Variants in EXOC6B observed in about 807,000 individuals in gnomAD.
EXOC6B encodes SEC15 homolog B.
Under a neutral mutation model 113.5 loss-of-function variants are expected in EXOC6B, and 54 were observed. The observed-to-expected ratio is 0.48, with a 90% CI of 0.38 to 0.60. The LOEUF is 0.60. Among genes scored for constraint, EXOC6B ranks in the 20% least tolerant of loss-of-function variants. The pLI, the probability that EXOC6B is intolerant of heterozygous loss-of-function variation, is 0.00. For missense variants in EXOC6B, 797 were observed against 977.5 expected (o/e 0.82, Z 2.46); for synonymous variants, 357 against 339.0 (o/e 1.05, Z -0.58).
chr2:72,369,806 C>T (rs555489988), intron 19 of EXOC6B, among the ~76,000 whole-genome samples: 14 of 152,170 alleles, frequency 9.2e-5, no homozygotes, highest in Non-Finnish European at 1.9e-4. Flanking sequence ...ACTGGCTAGC[C>T]GTATGTAGAA....
chr2:72,546,222 G>T (rs944997648), intron 8 of EXOC6B, among the ~76,000 whole-genome samples: 2 of 152,160 alleles, frequency 1.3e-5, no homozygotes, highest in African/African-American at 4.8e-5. Flanking sequence ...GCCGAGGTGG[G>T]CGGATCACCT....
intron 20 of EXOC6B, among the ~76,000 whole-genome samples, chr2:72,257,051 C>A (rs1443673814): frequency 6.6e-6 from 1 of 152,032 alleles, no homozygotes; most frequent in Non-Finnish European, 1.5e-5. Context: ...TCCCTCATGC[C>A]CCATCTCATC....
chr2:72,523,627 A>G (rs1558760739), intron 8 of EXOC6B, among the ~76,000 whole-genome samples: 1 of 151,966 alleles, frequency 6.6e-6, no homozygotes, highest in African/African-American at 2.4e-5. Context: ...AAATACAAAA[A>G]GAAATCAGCC....
chr2:72,421,161 CA>C (rs1257546073), intron 18 of EXOC6B, among the ~76,000 whole-genome samples: 4 of 152,144 alleles, frequency 2.6e-5, no homozygotes, highest in Non-Finnish European at 1.5e-5. Flanking sequence ...GGATAGATTG[CA>C]AAAACTTTCT....
chr2:72,476,328 A>C (rs1221305255), intron 17 of EXOC6B, among the ~76,000 whole-genome samples: 2 of 152,042 alleles, frequency 1.3e-5, no homozygotes, highest in African/African-American at 2.4e-5. Context: ...TTAGGCATTT[A>C]CTGTCACTTT....
intron 20 of EXOC6B, among the ~76,000 whole-genome samples, chr2:72,302,646 G>A (rs536585869): frequency 1.3e-5 from 2 of 152,076 alleles, no homozygotes; most frequent in East Asian, 3.9e-4. Context: ...TTAGGATTGC[G>A]GTGCCTGTTT....
intron 20 of EXOC6B, among the ~76,000 whole-genome samples, chr2:72,328,803 T>C (rs1041550360): frequency 6.6e-6 from 1 of 152,124 alleles, no homozygotes; most frequent in African/African-American, 2.4e-5. Context: ...TCCTCATATA[T>C]ACATGCTACT....
chr2:72,494,803 T>A (rs566390989), intron 15 of EXOC6B, among the ~76,000 whole-genome samples: 1 of 152,264 alleles, frequency 6.6e-6, no homozygotes, highest in African/African-American at 2.4e-5. Flanking sequence ...GCAACTTAAT[T>A]ATTTCTATAC....
At chr2:72,673,952 C>T (rs1475095543) in intron 6 of EXOC6B, among the ~76,000 whole-genome samples, 13 of 151,988 alleles carry the variant, frequency 8.6e-5, no homozygotes, top group African/African-American at 1.7e-4. Flanking sequence ...TCTCTTCACA[C>T]TTGTATCTAT....
chr2:72,680,427 A>G (rs905534461), intron 6 of EXOC6B, among the ~76,000 whole-genome samples: 2 of 152,214 alleles, frequency 1.3e-5, no homozygotes, highest in Non-Finnish European at 2.9e-5. Context: ...CATTTACAAC[A>G]GCACCTAACA....
At chr2:72,350,224 T>C (rs1476807793) in intron 19 of EXOC6B, among the ~76,000 whole-genome samples, 2 of 152,226 alleles carry the variant, frequency 1.3e-5, no homozygotes, top group East Asian at 3.8e-4. Context: ...TAAAGACCGT[T>C]TTTGATAATG....
In EXOC6B at chr2:72,826,003, C is replaced by A. The variant is rs1403445660; in HGVS notation, c.-93G>T. On this transcript the variant is annotated 5_prime_UTR_variant, in exon 1 of 22. Coordinates refer to ENST00000272427, the MANE Select transcript of EXOC6B (RefSeq NM_015189.3). The stretch of plus-strand genomic sequence containing the variant: ...CCGCTCCCACCACAGGCTCCACAGC[C>A]GCCCCAGCCTCTGGCTACCCGCAGG... The A allele has an allele frequency of 3.3e-6, 5 of 1,512,144 alleles. No individual in the cohort carries two copies. Among genetic ancestry groups the A allele is most frequent in the African/African-American group, 2.8e-5 (2 of 72,652 alleles). The allele number at this position is 1,512,144 out of a possible 1,614,324, so 93.7% of individuals were successfully genotyped here.
At chr2:72,821,074 T>A (rs919430698) in intron 1 of EXOC6B, among the ~76,000 whole-genome samples, 3 of 152,020 alleles carry the variant, frequency 2.0e-5, no homozygotes, top group African/African-American at 7.2e-5. Flanking sequence ...AATCACAGAA[T>A]AGGATATAGT....
At chr2:72,512,749 C>T (rs1461983254) in intron 11 of EXOC6B, among the ~76,000 whole-genome samples, 1 of 151,832 alleles carries the variant, frequency 6.6e-6, no homozygotes, top group Non-Finnish European at 1.5e-5. Flanking sequence ...TGGCATTAGG[C>T]TGGTTACCTA....
rs1244565997 is a variant in EXOC6B at position 72,176,567 on chromosome 2, C to T, written c.*2768G>A. 6.6e-6 allele frequency: 1 copy of T among 152,248 alleles called. No individual in the cohort carries two copies. Among genetic ancestry groups the T allele is most frequent in the African/African-American group, 2.4e-5 (1 of 41,460 alleles). 9.4% of individuals were successfully genotyped at this position (152,248 alleles called of 1,614,324 possible). ...GGAAGCTCTACATTCCCTTTGCCAACAGGATCTCACTTCCTGGTTCCCATT... is the reference window on the plus strand; with the variant it reads ...GGAAGCTCTACATTCCCTTTGCCAATAGGATCTCACTTCCTGGTTCCCATT... On this transcript the variant is annotated 3_prime_UTR_variant, in exon 22 of 22. Coordinates refer to ENST00000272427, the MANE Select transcript of EXOC6B (RefSeq NM_015189.3).
At chr2:72,192,565 G>A (rs940838952) in intron 20 of EXOC6B, among the ~76,000 whole-genome samples, 1 of 152,114 alleles carries the variant, frequency 6.6e-6, no homozygotes, top group Non-Finnish European at 1.5e-5. Context: ...TAGGCAGCAT[G>A]GGGCCTACCT....
chr2:72,697,886 CAA>C (rs1245714959), intron 6 of EXOC6B, among the ~76,000 whole-genome samples: 2 of 152,116 alleles, frequency 1.3e-5, no homozygotes, highest in Non-Finnish European at 2.9e-5. Context: ...GAAAGAATGA[CAA>C]AGAGTGTTAA....
At chr2:72,417,167 G>C (rs1694575450) in intron 18 of EXOC6B, among the ~76,000 whole-genome samples, 1 of 152,076 alleles carries the variant, frequency 6.6e-6, no homozygotes, top group Admixed American at 6.6e-5. Flanking sequence ...TTATAAAACA[G>C]TTTCAATTCT....
chr2:72,317,883 C>G (rs958068674), intron 20 of EXOC6B, among the ~76,000 whole-genome samples: 16 of 152,216 alleles, frequency 1.1e-4, no homozygotes, highest in African/African-American at 3.9e-4. Context: ...CTGCTGCTTG[C>G]CTTGATTAGG....
Sources: gnomAD v4.1 joint callset for allele counts (sites outside exome capture counted in the v4.1 genomes callset) on GRCh38, gnomAD v4.1.1 for gene constraint, MANE v1.5 for transcripts, NCBI Gene and HGNC (gene_info 2026-07-23, HGNC 2026-07-21) for gene names.